Variants in NHLRC2 observed in about 807,000 individuals in gnomAD.
NHLRC2 encodes the protein NHL repeat containing 2, also known as NHL repeat-containing protein 2.
NHLRC2 carries 33 observed loss-of-function variants against 68.1 expected under a neutral mutation model. The ratio of observed to expected loss-of-function variants is 0.48; its 90% CI spans 0.37 to 0.65. The LOEUF is 0.65. Among genes scored for constraint, NHLRC2 ranks in the 30% least tolerant of loss-of-function variants. NHLRC2 has a pLI of 0.00. For missense variants in NHLRC2, 761 were observed against 853.8 expected (o/e 0.89, Z 1.35); for synonymous variants, 311 against 309.6 (o/e 1.00, Z -0.05).
chr10:113,882,562 G>T (rs1489934840), intron 4 of NHLRC2, among the ~76,000 whole-genome samples: 1 of 151,680 alleles, frequency 6.6e-6, no homozygotes, highest in African/African-American at 2.4e-5. Flanking sequence ...TAATACAGTT[G>T]TAAGAATCCT....
chr10:113,897,926 A>G (rs1342381295), intron 5 of NHLRC2, among the ~76,000 whole-genome samples, 184 bp from the exon 6 acceptor site: 1 of 152,226 alleles, frequency 6.6e-6, no homozygotes, highest in Admixed American at 6.5e-5. Flanking sequence ...TACAAGTCTA[A>G]CAAAGTAAAC....
intron 5 of NHLRC2, among the ~76,000 whole-genome samples, chr10:113,890,131 T>C (rs1440049080): frequency 1.3e-5 from 2 of 152,198 alleles, no homozygotes; most frequent in Admixed American, 6.5e-5. Flanking sequence ...GTGGCTGTTT[T>C]CTTAAAGTCC....
chr10:113,880,062 A>G (rs1846022862), intron 4 of NHLRC2, among the ~76,000 whole-genome samples: 2 of 152,024 alleles, frequency 1.3e-5, no homozygotes, highest in South Asian at 4.1e-4. Context: ...TCCTGCTTCT[A>G]TTCAACTTTT....
At chr10:113,898,383 A>T (rs995824117) in intron 6 of NHLRC2, among the ~76,000 whole-genome samples, 174 bp downstream of exon 6, 1 of 152,180 alleles carries the variant, frequency 6.6e-6, no homozygotes, top group African/African-American at 2.4e-5. Flanking sequence ...GCTCACTCAC[A>T]TGGGTTCACT....
intron 3 of NHLRC2, 124 bp downstream of exon 3, chr10:113,877,100 A>C (rs542869603): frequency 1.8e-6 from 1 of 558,906 alleles, no homozygotes; most frequent in East Asian, 3.2e-5. Context: ...ACATTGACTT[A>C]ATTTCCTAAT....
chr10:113,903,621 CT>C lies in NHLRC2; in HGVS notation c.1593del (p.Phe531LeufsTer18). 1 of 1,608,898 alleles carries C rather than the reference CT, an allele frequency of 6.2e-7. No individual in the cohort carries two copies. The highest frequency in any genetic ancestry group is 1.3e-5 in the African/African-American group (1 of 74,920). Reference protein sequence around the residue: ...NVTSSSFTESTFNEPGGLCIG... With the variant: ...NVTSSSFTESXFNEPGGLCIG... ...ACCAGTTCCAGTTTTACAGAGTCAA[CT>C]TTTAATGAACCAGGAGGCTTGTGTA... On this transcript the variant is annotated frameshift_variant, in exon 9 of 11. Coordinates refer to ENST00000369301, the MANE Select transcript of NHLRC2 (RefSeq NM_198514.4). LOFTEE classifies it high-confidence loss of function.
rs1236127804 is a variant in NHLRC2 at position 113,914,292 on chromosome 10, G to C, written c.*5756G>C. 1.3e-5 allele frequency: 2 copies of C among 152,200 alleles called. No individual in the cohort carries two copies. 9.4% of individuals were successfully genotyped at this position (152,200 alleles called of 1,614,324 possible). A position where few individuals can be genotyped will look rare whatever the true frequency, so the allele number is the denominator to read the frequency against. ...AGCAATTCTCCTGCCTCAGCCTCCT[G>C]AGTAGCTGGGATTACAGGCGTCTGC... On this transcript the variant is annotated 3_prime_UTR_variant, in exon 11 of 11. Transcript: ENST00000369301.
intron 3 of NHLRC2, among the ~76,000 whole-genome samples, chr10:113,878,977 T>C (rs1328115937): frequency 6.6e-6 from 1 of 152,236 alleles, no homozygotes; most frequent in Non-Finnish European, 1.5e-5. Flanking sequence ...TTTTATTGTG[T>C]TATATTCTCC....
At position 113,858,518 on chromosome 10, in the gene NHLRC2, T is replaced by A; in HGVS notation, c.179-10T>A. 6.4e-7 allele frequency: 1 copy of A among 1,567,478 alleles called. No homozygotes were observed. Among genetic ancestry groups the A allele is most frequent in the East Asian group, 2.2e-5 (1 of 44,608 alleles). On this transcript the variant is annotated splice_polypyrimidine_tract_variant and intron_variant, in intron 1 of 10. Coordinates refer to ENST00000369301, the MANE Select transcript of NHLRC2 (RefSeq NM_198514.4). ...TTTAATCATTGTAATTTATTTTATG[T>A]AAATTTCAGGATTAGAATGGCTGAA... is the stretch of plus-strand genomic sequence containing the variant.
chr10:113,902,867 A>G (rs560925361), intron 8 of NHLRC2, among the ~76,000 whole-genome samples: 1 of 152,346 alleles, frequency 6.6e-6, no homozygotes, highest in South Asian at 2.1e-4. Flanking sequence ...TTAGTAACAT[A>G]TTCAGTATAT....
intron 5 of NHLRC2, among the ~76,000 whole-genome samples, chr10:113,886,201 C>T (rs950131125): frequency 1.3e-5 from 2 of 151,952 alleles, no homozygotes; most frequent in African/African-American, 2.4e-5. Context: ...AAGATCTGTA[C>T]ACAGAAAACT....
At chr10:113,876,216 AT>A (rs1396379660) in intron 2 of NHLRC2, among the ~76,000 whole-genome samples, 3 of 151,984 alleles carry the variant, frequency 2.0e-5, no homozygotes, top group African/African-American at 7.2e-5. Context: ...TTCAACATTT[AT>A]TAAAAAAATA....
intron 4 of NHLRC2, 98 bp from the exon 5 acceptor site, chr10:113,884,153 C>T: frequency 9.1e-7 from 1 of 1,102,190 alleles, no homozygotes; most frequent in Non-Finnish European, 1.3e-6. Context: ...TGCACATACA[C>T]TCTAAATGTT....
Position 113,898,251 on chromosome 10 carries a change from G to T in NHLRC2, c.1139+42G>T. Reference sequence around the variant, plus strand: ...CTCTTTGAGTAGACTGTACTACTTGGTGTTCATATAATTTCTTTTTTCAAA... The same window carrying T: ...CTCTTTGAGTAGACTGTACTACTTGTTGTTCATATAATTTCTTTTTTCAAA... On this transcript the variant is annotated intron_variant, in intron 6 of 10. Coordinates refer to ENST00000369301, the MANE Select transcript of NHLRC2 (RefSeq NM_198514.4). 5 of 1,293,124 alleles carry T rather than the reference G, an allele frequency of 3.9e-6. No homozygotes were observed. The South Asian group carries it at 6.0e-5, about 15-fold the overall frequency. The allele number at this position is 1,293,124 out of a possible 1,614,324, so 80.1% of individuals were successfully genotyped here. A position where few individuals can be genotyped will look rare whatever the true frequency, so the allele number is the denominator to read the frequency against.
intron 5 of NHLRC2, among the ~76,000 whole-genome samples, chr10:113,892,989 A>T (rs575354501): frequency 6.6e-6 from 1 of 152,216 alleles, no homozygotes; most frequent in Non-Finnish European, 1.5e-5. Context: ...ACTGTTTTCT[A>T]TAAGATAAGA....
At chr10:113,887,688 C>G (rs1210556390) in intron 5 of NHLRC2, among the ~76,000 whole-genome samples, 1 of 152,170 alleles carries the variant, frequency 6.6e-6, no homozygotes, top group Admixed American at 6.6e-5. Flanking sequence ...GGGAGAATCA[C>G]TTGAACCCGG....
intron 6 of NHLRC2, among the ~76,000 whole-genome samples, chr10:113,900,118 C>T (rs572785700): frequency 2.0e-5 from 3 of 152,154 alleles, no homozygotes; most frequent in African/African-American, 4.8e-5. Flanking sequence ...TCACACTGTG[C>T]CTTGTGAGTA....
Position 113,876,713 on chromosome 10 carries a change from T to C in NHLRC2, c.524T>C (p.Leu175Ser). The change falls in exon 3 of 11, where the codon TTG becomes TCG. Residue 175 changes from leucine to serine, a missense_variant. Coordinates refer to ENST00000369301, the MANE Select transcript of NHLRC2 (RefSeq NM_198514.4). Reference sequence around the variant, plus strand: ...ATACTTGGACCTCGTGGAAACATGTTGTTTTCTTTGATTGGAGAGGGACAC... The same window carrying C: ...ATACTTGGACCTCGTGGAAACATGTCGTTTTCTTTGATTGGAGAGGGACAC... ...LVILGPRGNM[L>S]FSLIGEGHKD... 6.2e-7 allele frequency: 1 copy of C among 1,613,928 alleles called. No homozygotes were observed. The highest frequency in any genetic ancestry group is 8.5e-7 in the Non-Finnish European group (1 of 1,179,854).
At chr10:113,876,001 G>A (rs773897352) in intron 2 of NHLRC2, among the ~76,000 whole-genome samples, 8 of 151,006 alleles carry the variant, frequency 5.3e-5, no homozygotes, top group Non-Finnish European at 1.2e-4. Context: ...CTACAGAAAG[G>A]CTTGTTCTAA....
Sources: allele counts gnomAD v4.1 joint callset (sites outside exome capture counted in the v4.1 genomes callset), GRCh38; gene constraint gnomAD v4.1.1; transcripts MANE v1.5; gene names NCBI Gene and HGNC (gene_info 2026-07-23, HGNC 2026-07-21).